The following DENND1B variants were observed in gnomAD, a reference collection of about 807,000 sequenced individuals.
DENND1B encodes the protein DENN domain-containing protein 1B.
In DENND1B, 59 loss-of-function variants were observed where a neutral mutation model predicts 90.1. That is an observed-to-expected ratio of 0.65 (90% CI 0.53 to 0.81). The LOEUF (loss-of-function observed/expected upper bound fraction) is 0.81, where lower values mean the gene tolerates loss of function less well. Ranked by LOEUF, DENND1B falls within the 40% of genes least tolerant of loss-of-function variation. The probability of loss-of-function intolerance (pLI) is 0.00; values close to 1 mark genes in which losing one functional copy is unlikely to be tolerated. For missense variants in DENND1B, 862 were observed against 912.6 expected, an observed-to-expected ratio of 0.94 and a Z score of 0.71; for synonymous variants, 337 against 324.6, an observed-to-expected ratio of 1.04 and a Z score of -0.41.
At chr1:197,523,449 G>T (rs1039087003) in intron 20 of DENND1B, among the ~76,000 whole-genome samples, 1 of 152,088 alleles carries the variant, frequency 6.6e-6, no homozygotes, top group Admixed American at 6.6e-5. Flanking sequence ...GCACGGGGGC[G>T]CATGGCCCAC....
chr1:197,746,401 A>C (rs1163765381), intron 2 of DENND1B, among the ~76,000 whole-genome samples: 1 of 152,196 alleles, frequency 6.6e-6, no homozygotes, highest in African/African-American at 2.4e-5. Flanking sequence ...AAAAAGAAAG[A>C]AAGAAAGTAT....
intron 10 of DENND1B, among the ~76,000 whole-genome samples, chr1:197,628,339 C>T (rs12133530): frequency 0.16 from 24,413 of 151,840 alleles, 2,245 homozygotes; most frequent in Non-Finnish European, 0.2. Flanking sequence ...TATAGATCAA[C>T]GGAACAGAAC....
chr1:197,699,017 T>G (rs1017869360), intron 3 of DENND1B, among the ~76,000 whole-genome samples: 25 of 152,128 alleles, frequency 1.6e-4, no homozygotes, highest in African/African-American at 5.6e-4. Context: ...TCTGAAACTA[T>G]TTCAAATAAC....
At position 197,510,686 on chromosome 1, in the gene DENND1B, G is replaced by A; in HGVS notation, c.2102C>T (p.Thr701Ile). Reference sequence around the variant, plus strand: ...CTGGCTTAGTGTTTCCCTCTTTTCTGTTTTTCCTTTATCAGTCTGGGAAAC... The same window carrying A: ...CTGGCTTAGTGTTTCCCTCTTTTCTATTTTTCCTTTATCAGTCTGGGAAAC... ...PEVSQTDKGK[T>I]EKRETLSQIS... is the part of the protein sequence containing the mutation. The change falls in exon 23 of 23, where the codon ACA (threonine) becomes ATA (isoleucine). Residue 701 changes from threonine (T) to isoleucine (I), a missense_variant. Coordinates refer to ENST00000620048, the MANE Select transcript of DENND1B (RefSeq NM_001195215.2). 6.2e-7 allele frequency: 1 copy of A among 1,612,772 alleles called. No individual in the cohort carries two copies. Among genetic ancestry groups the A allele is most frequent in the Non-Finnish European group, 8.5e-7 (1 of 1,179,214 alleles).
At chr1:197,566,773 G>A (rs1409862613) in intron 15 of DENND1B, among the ~76,000 whole-genome samples, 1 of 151,806 alleles carries the variant, frequency 6.6e-6, no homozygotes, top group East Asian at 1.9e-4. Flanking sequence ...CTAAAAGAAG[G>A]GAAATTCATA....
At chr1:197,757,724 T>C (rs1654494261) in intron 2 of DENND1B, among the ~76,000 whole-genome samples, 1 of 152,156 alleles carries the variant, frequency 6.6e-6, no homozygotes, top group Non-Finnish European at 1.5e-5. Flanking sequence ...CTCAAGAAAG[T>C]TATACAGGAA....
Position 197,621,816 on chromosome 1 carries a change from T to C in DENND1B, c.673-4057A>G, listed in dbSNP as rs202059283. ...GAAACTGAATAATACACTGTTATAA[T>C]TTTCAGATAAAAATGAATTTACCAA... On this transcript the variant is annotated intron_variant, in intron 10 of 22. Coordinates refer to ENST00000620048, the MANE Select transcript of DENND1B (RefSeq NM_001195215.2). Among the ~76,000 whole-genome samples the C allele has an allele frequency of 4.6e-5, 7 of 151,428 alleles. 1 individual carries two copies. The East Asian group carries it at 1.4e-3, about 29-fold the overall frequency.
chr1:197,737,506 G>A (rs1375465100), intron 2 of DENND1B, among the ~76,000 whole-genome samples: 1 of 152,048 alleles, frequency 6.6e-6, no homozygotes, highest in Non-Finnish European at 1.5e-5. Flanking sequence ...CCATCTTGGA[G>A]GTATGACAAA....
At chr1:197,746,445 C>A (rs756725867) in intron 2 of DENND1B, among the ~76,000 whole-genome samples, 1 of 151,948 alleles carries the variant, frequency 6.6e-6, no homozygotes, top group Admixed American at 6.6e-5. Context: ...ACCAAATGAA[C>A]GAAAAACAGC....
At chr1:197,595,134 GTC>G in intron 14 of DENND1B, 72 bp downstream of exon 14, 2 of 1,491,624 alleles carry the variant, frequency 1.3e-6, no homozygotes, top group Non-Finnish European at 1.8e-6. Context: ...TTAAAATGAT[GTC>G]TCTTTTTTTC....
chr1:197,653,653 T>C (rs1293476887), intron 6 of DENND1B, among the ~76,000 whole-genome samples: 2 of 152,062 alleles, frequency 1.3e-5, no homozygotes, highest in African/African-American at 4.8e-5. Context: ...GCCTCCCCTA[T>C]TTCCTCTTCT....
chr1:197,667,847 T>C (rs1445187093), intron 5 of DENND1B, among the ~76,000 whole-genome samples: 1 of 152,222 alleles, frequency 6.6e-6, no homozygotes, highest in Non-Finnish European at 1.5e-5. Context: ...TACTAATTTT[T>C]AATATGATAC....
intron 2 of DENND1B, among the ~76,000 whole-genome samples, chr1:197,754,767 T>C (rs1453006671): frequency 6.6e-6 from 1 of 150,814 alleles, no homozygotes; most frequent in African/African-American, 2.5e-5. Flanking sequence ...GATAATAGGA[T>C]ACCATGAACA....
intron 13 of DENND1B, among the ~76,000 whole-genome samples, chr1:197,597,919 T>C (rs1303023927): frequency 6.6e-6 from 1 of 151,822 alleles, no homozygotes; most frequent in African/African-American, 2.4e-5. Context: ...CAAAAAAAAC[T>C]CAATAATGTT....
chr1:197,513,109 A>G (rs146625539), intron 20 of DENND1B, among the ~76,000 whole-genome samples, 156 bp from the exon 21 acceptor site: 237 of 151,614 alleles, frequency 1.6e-3, no homozygotes, highest in African/African-American at 4.8e-3. Flanking sequence ...ACAAACTGGG[A>G]CAGGAAGAAA....
chr1:197,536,946 C>T (rs893592356), intron 20 of DENND1B, among the ~76,000 whole-genome samples: 1 of 150,976 alleles, frequency 6.6e-6, no homozygotes, highest in East Asian at 2.0e-4. Flanking sequence ...GAGGCTGAGG[C>T]AGGAGAATGG....
At chr1:197,574,808 C>A (rs190338052) in intron 15 of DENND1B, among the ~76,000 whole-genome samples, 1 of 152,276 alleles carries the variant, frequency 6.6e-6, no homozygotes, top group Non-Finnish European at 1.5e-5. Flanking sequence ...ACCATCTGAT[C>A]TTTGACAAAT....
rs968800093 is a variant in DENND1B, at chr1:197,508,437, T to C, written c.*2023A>G. 6.6e-6 allele frequency: 1 copy of C among 151,692 alleles called. No homozygotes were observed. The highest frequency in any genetic ancestry group is 1.5e-5 in the Non-Finnish European group (1 of 67,760). The allele number at this position is 151,692 out of a possible 1,614,324, so 9.4% of individuals were successfully genotyped here. A position where few individuals can be genotyped will look rare whatever the true frequency, so the allele number is the denominator to read the frequency against. Reference sequence around the variant, plus strand: ...ACCTTGAGACTTCTGTATTAAAAAATAAGGATTAAACATTGTTTTCCTTAA... The same window carrying C: ...ACCTTGAGACTTCTGTATTAAAAAACAAGGATTAAACATTGTTTTCCTTAA... On this transcript the variant is annotated 3_prime_UTR_variant, in exon 23 of 23. Coordinates refer to ENST00000620048, the MANE Select transcript of DENND1B (RefSeq NM_001195215.2).
At chr1:197,636,067 A>C (rs1679763147) in intron 10 of DENND1B, among the ~76,000 whole-genome samples, 2 of 152,154 alleles carry the variant, frequency 1.3e-5, no homozygotes. Context: ...ACTCAGAAAG[A>C]CAAGTTTAGA....
Sources: gnomAD v4.1 joint callset for allele counts (sites outside exome capture counted in the v4.1 genomes callset) on GRCh38, gnomAD v4.1.1 for gene constraint, MANE v1.5 for transcripts, NCBI Gene and HGNC (gene_info 2026-07-23, HGNC 2026-07-21) for gene names.